The following CPNE5 variants were observed in gnomAD, a reference collection of about 807,000 sequenced individuals.
CPNE5 encodes the protein copine 5.
CPNE5 carries 42 observed loss-of-function variants against 81.1 expected under a neutral mutation model. The observed-to-expected ratio is 0.52, with a 90% confidence interval of 0.40 to 0.67. The LOEUF (loss-of-function observed/expected upper bound fraction) is 0.67. Among genes scored for constraint, CPNE5 ranks in the 30% least tolerant of loss-of-function variants. The pLI is 0.00. For synonymous variants in CPNE5, 313 were observed against 321.5 expected (o/e 0.97, Z 0.28); for missense variants, 612 against 815.5 (o/e 0.75, Z 3.04).
intron 1 of CPNE5, among the ~76,000 whole-genome samples, chr6:36,832,285 C>T (rs1222810659): frequency 1.3e-5 from 2 of 152,326 alleles, no homozygotes; most frequent in Non-Finnish European, 2.9e-5. Context: ...ATCCAGCAAA[C>T]ATTGCCCACT....
At chr6:36,801,718 T>C (rs531682880) in intron 3 of CPNE5, among the ~76,000 whole-genome samples, 1 of 152,124 alleles carries the variant, frequency 6.6e-6, no homozygotes, top group African/African-American at 2.4e-5. Flanking sequence ...GGACAAATAA[T>C]GTATGTGTCC....
intron 7 of CPNE5, chr6:36,792,452 G>A (rs1488075521): frequency 7.7e-7 from 1 of 1,307,054 alleles, no homozygotes; most frequent in Non-Finnish European, 1.0e-6. Flanking sequence ...CACTTCTGTG[G>A]GCAAAAGACC....
chr6:36,785,069 T>C (rs946545149), intron 8 of CPNE5, among the ~76,000 whole-genome samples: 15 of 152,184 alleles, frequency 9.9e-5, no homozygotes, highest in African/African-American at 3.6e-4. Flanking sequence ...TTTCACCCTA[T>C]CTTTTTAAAA....
At chr6:36,774,242 G>T (rs569341587) in intron 10 of CPNE5, among the ~76,000 whole-genome samples, 1 of 152,196 alleles carries the variant, frequency 6.6e-6, no homozygotes, top group African/African-American at 2.4e-5. Context: ...TTAGCTGGGC[G>T]TGGTGGTAGG....
At position 36,762,951 on chromosome 6, in the gene CPNE5, A is replaced by C. The variant is rs1378333267; in HGVS notation, c.821T>G (p.Leu274Arg). The change falls in exon 12 of 21, where the codon CTG (leucine) becomes CGG (arginine). Residue 274 changes from leucine to arginine, a missense_variant. Coordinates refer to ENST00000244751, the MANE Select transcript of CPNE5 (RefSeq NM_020939.2). ...GTTGAATTGGCTCTGCCCACGGGCC[A>C]GCTCCCGGTAACTGGTGGTGAACTC... Reference protein sequence around the residue: ...IGEFTTSYRELARGQSQFNIY... With the variant: ...IGEFTTSYRERARGQSQFNIY... The C allele has an allele frequency of 1.2e-6, 2 of 1,614,176 alleles. No homozygotes were observed. Among genetic ancestry groups the C allele is most frequent in the South Asian group, 1.1e-5 (1 of 91,088 alleles).
chr6:36,802,014 A>T (rs1411544892), intron 3 of CPNE5, among the ~76,000 whole-genome samples: 2 of 152,078 alleles, frequency 1.3e-5, no homozygotes, highest in South Asian at 2.1e-4. Flanking sequence ...AGGTCAAGAG[A>T]TCGAGACCAT....
chr6:36,772,646 G>A (rs1767139513), intron 10 of CPNE5, among the ~76,000 whole-genome samples: 4 of 152,226 alleles, frequency 2.6e-5, no homozygotes, highest in Admixed American at 2.6e-4. Flanking sequence ...CTGTGGAACA[G>A]ACTGTGGCTC....
chr6:36,827,467 G>C, intron 1 of CPNE5: 2 of 985,114 alleles, frequency 2.0e-6, no homozygotes, highest in Non-Finnish European at 1.2e-6. Flanking sequence ...CAGGGCTCCA[G>C]AGGCCATGTT....
At chr6:36,833,933 T>C (rs760456383) in intron 1 of CPNE5, among the ~76,000 whole-genome samples, 18 of 151,966 alleles carry the variant, frequency 1.2e-4, no homozygotes, top group Non-Finnish European at 2.4e-4. Context: ...TATAAAAGTA[T>C]TATGTGAGGC....
chr6:36,801,040 G>A (rs557646362), intron 3 of CPNE5, among the ~76,000 whole-genome samples: 31 of 152,356 alleles, frequency 2.0e-4, no homozygotes, highest in Admixed American at 6.5e-4. Context: ...CAGCAAAGCT[G>A]CACTCAGATT....
chr6:36,784,454 T>C (rs1768337538), intron 8 of CPNE5, among the ~76,000 whole-genome samples: 1 of 152,192 alleles, frequency 6.6e-6, no homozygotes, highest in Non-Finnish European at 1.5e-5. Context: ...TCGTCAACAG[T>C]CATAGGAACA....
chr6:36,787,075 C>T (rs1229165299), intron 8 of CPNE5, among the ~76,000 whole-genome samples: 1 of 152,118 alleles, frequency 6.6e-6, no homozygotes, highest in Non-Finnish European at 1.5e-5. Context: ...ATATCGGTCT[C>T]AGCCACAACA....
chr6:36,743,160 G>A, intron 20 of CPNE5: 3 of 985,392 alleles, frequency 3.0e-6, no homozygotes, highest in Non-Finnish European at 3.6e-6. Flanking sequence ...TAAGCACTAG[G>A]GCCTCCTCTG....
intron 3 of CPNE5, among the ~76,000 whole-genome samples, chr6:36,809,051 A>C (rs1244919288): frequency 6.6e-6 from 1 of 152,194 alleles, no homozygotes; most frequent in African/African-American, 2.4e-5. Flanking sequence ...TCCCTAGCGC[A>C]GTCTCTGAAC....
intron 3 of CPNE5, among the ~76,000 whole-genome samples, chr6:36,803,860 A>G (rs893729816): frequency 1.3e-5 from 2 of 152,196 alleles, no homozygotes; most frequent in African/African-American, 2.4e-5. Flanking sequence ...ATTAAATACA[A>G]ATCTCAGTGG....
intron 3 of CPNE5, among the ~76,000 whole-genome samples, chr6:36,806,414 C>T (rs553694786): frequency 1.3e-5 from 2 of 152,226 alleles, no homozygotes; most frequent in South Asian, 2.1e-4. Context: ...AGGCTGCTTC[C>T]CTCCAGGACC....
At chr6:36,808,490 G>A (rs1770801962) in intron 3 of CPNE5, among the ~76,000 whole-genome samples, 1 of 152,102 alleles carries the variant, frequency 6.6e-6, no homozygotes, top group Admixed American at 6.5e-5. Flanking sequence ...CTCCCGGCAC[G>A]TGAGTCAACT....
At chr6:36,815,785 C>T (rs931137548) in intron 3 of CPNE5, among the ~76,000 whole-genome samples, 2 of 152,202 alleles carry the variant, frequency 1.3e-5, no homozygotes, top group Non-Finnish European at 2.9e-5. Flanking sequence ...GTTTAACAGG[C>T]TAATTCTCCT....
At chr6:36,750,007 C>T (rs1180864683) in intron 14 of CPNE5, among the ~76,000 whole-genome samples, 1 of 152,202 alleles carries the variant, frequency 6.6e-6, no homozygotes, top group East Asian at 1.9e-4. Context: ...CGGGTGCTTG[C>T]TTAAGAAGAT....
Sources: allele counts gnomAD v4.1 joint callset (sites outside exome capture counted in the v4.1 genomes callset), GRCh38; gene constraint gnomAD v4.1.1; transcripts MANE v1.5; gene names NCBI Gene and HGNC (gene_info 2026-07-23, HGNC 2026-07-21).